Variants in MAP3K12 observed in about 807,000 individuals in gnomAD.
MAP3K12 encodes mitogen-activated protein kinase kinase kinase 12, also known as MAPK-upstream kinase.
MAP3K12 carries 14 observed loss-of-function variants against 87.5 expected under a neutral mutation model. The observed-to-expected ratio is 0.16, with a 90% CI of 0.11 to 0.25. MAP3K12 has a LOEUF of 0.25. MAP3K12 is among the 10% of genes least tolerant of loss of function. The pLI is 1.00. For missense variants in MAP3K12, 802 were observed against 1,140.4 expected (o/e 0.70, Z 4.27); for synonymous variants, 469 against 452.5 (o/e 1.04, Z -0.46).
chr12:53,497,587 C>T (rs1179034806), intron 1 of MAP3K12, among the ~76,000 whole-genome samples: 1 of 152,198 alleles, frequency 6.6e-6, no homozygotes, highest in Non-Finnish European at 1.5e-5. Context: ...CCCTATGTCC[C>T]CTGCTGGCAT....
upstream of MAP3K12, chr12:53,501,529 G>C (rs1275198840): frequency 1.3e-6 from 2 of 1,547,458 alleles, no homozygotes. Flanking sequence ...GTAGCGGCGC[G>C]GCCCCAGCAT....
rs557032907 is a variant in MAP3K12 at position 53,488,011 on chromosome 12, CCCAGGTACTT to C, written c.-37-593_-37-584del. 255 of 153,302 alleles carry C rather than the reference CCCAGGTACTT, an allele frequency of 1.7e-3. 2 individuals are homozygous for C. Among genetic ancestry groups the C allele is most frequent in the Non-Finnish European group, 3.0e-3 (208 of 68,846 alleles). 9.5% of individuals were successfully genotyped at this position (153,302 alleles called of 1,614,324 possible). A position where few individuals can be genotyped will look rare whatever the true frequency, so the allele number is the denominator to read the frequency against. The stretch of plus-strand genomic sequence containing the variant: ...ACAGGCGATGCACCCGGGCCTCCCA[CCCAGGTACTT>C]ACACACGGTACTACTGAGGCCCTCT... On this transcript the variant is annotated intron_variant, in intron 1 of 13. Coordinates refer to ENST00000547488, the MANE Select transcript of MAP3K12 (RefSeq NM_001193511.2).
intron 1 of MAP3K12, among the ~76,000 whole-genome samples, chr12:53,498,329 G>T (rs900144217): frequency 4.6e-5 from 7 of 152,154 alleles, no homozygotes; most frequent in African/African-American, 1.7e-4. Flanking sequence ...GAGCAATGGA[G>T]TCCACCTTGA....
chr12:53,491,415 T>A (rs1039624311), intron 1 of MAP3K12, among the ~76,000 whole-genome samples: 2 of 151,838 alleles, frequency 1.3e-5, no homozygotes, highest in African/African-American at 4.8e-5. Context: ...ATTAGCCCCG[T>A]TTTACAGACT....
intron 10 of MAP3K12, 58 bp downstream of exon 10, chr12:53,483,291 C>A: frequency 6.3e-7 from 1 of 1,593,040 alleles, no homozygotes; most frequent in Admixed American, 1.7e-5. Context: ...TGCTAATATA[C>A]CTGTTGCCAC....
Position 53,481,277 on chromosome 12 carries a change from G to C in MAP3K12, c.2584C>G (p.Pro862Ala). 6.5e-7 allele frequency: 1 copy of C among 1,542,150 alleles called. No individual in the cohort carries two copies. The highest frequency in any genetic ancestry group is 8.7e-7 in the Non-Finnish European group (1 of 1,143,838). Residue 862 changes from proline (P) to alanine (A), a missense_variant, in exon 14 of 14, where the codon CCT (proline) becomes GCT (alanine). Around this residue, in one of 5 missense-constraint regions of MAP3K12, gnomAD observed 490 missense variants for 496.6 expected, o/e 0.99. Transcript: ENST00000547488. ...CAGTCTGAGTCCTCAGAATTGGGAG[G>C]GCCCTGTGAGAAAGAGTAGAAATGG... ...PHQELLRERG[P>A]PNSEDSDCDS...
intron 1 of MAP3K12, among the ~76,000 whole-genome samples, chr12:53,495,812 G>C (rs1312405507): frequency 6.6e-6 from 1 of 152,130 alleles, no homozygotes; most frequent in Admixed American, 6.5e-5. Context: ...GAGAACTTGG[G>C]GGAAAACTGG....
chr12:53,481,788 G>T, intron 13 of MAP3K12, 153 bp downstream of exon 13: 4 of 887,980 alleles, frequency 4.5e-6, no homozygotes, highest in Non-Finnish European at 6.8e-6. Flanking sequence ...GATGCTCTGT[G>T]CAAGAGGCTT....
chr12:53,496,091 G>A (rs1044831739), intron 1 of MAP3K12, among the ~76,000 whole-genome samples: 2 of 152,176 alleles, frequency 1.3e-5, no homozygotes, highest in Non-Finnish European at 2.9e-5. Context: ...AGGGGGTGCA[G>A]GGAGCAGCAT....
intron 1 of MAP3K12, among the ~76,000 whole-genome samples, chr12:53,498,678 G>T (rs1225850535): frequency 1.3e-5 from 2 of 152,088 alleles, no homozygotes; most frequent in African/African-American, 4.8e-5. Context: ...GGGCCTGACT[G>T]GGGGAGATGG....
chr12:53,486,684 G>A lies in MAP3K12; in HGVS notation c.446-62C>T. Reference sequence around the variant, plus strand: ...AGAGCCACACTCAAGGCCAGGGACAGGATAGCATTGGGTTGGCTGAATTGA... The same window carrying A: ...AGAGCCACACTCAAGGCCAGGGACAAGATAGCATTGGGTTGGCTGAATTGA... On this transcript the variant is annotated intron_variant, in intron 2 of 13. Coordinates refer to ENST00000547488, the MANE Select transcript of MAP3K12 (RefSeq NM_001193511.2). The surrounding 1 kb of genome is among the most constrained non-coding windows in gnomAD (Gnocchi z 4.9). 6.7e-7 allele frequency: 1 copy of A among 1,492,896 alleles called. No homozygotes were observed. The highest frequency in any genetic ancestry group is 8.9e-7 in the Non-Finnish European group (1 of 1,125,378). The allele number at this position is 1,492,896 out of a possible 1,614,324, so 92.5% of individuals were successfully genotyped here.
At position 53,483,193 on chromosome 12, in the gene MAP3K12, G is replaced by A; in HGVS notation, c.1614-4C>T. The A allele has an allele frequency of 6.6e-7, 1 of 1,525,650 alleles. No individual in the cohort carries two copies. The highest frequency in any genetic ancestry group is 8.8e-7 in the Non-Finnish European group (1 of 1,138,926). The allele number at this position is 1,525,650 out of a possible 1,614,324, so 94.5% of individuals were successfully genotyped here. On this transcript the variant is annotated splice_region_variant and splice_polypyrimidine_tract_variant and intron_variant, in intron 10 of 13. Coordinates refer to ENST00000547488, the MANE Select transcript of MAP3K12 (RefSeq NM_001193511.2). ...CTCCGTCTTGAGGATATCTGGCCTG[G>A]AAGAAGAGGAAAAGTAAAAGGTTAA...
intron 1 of MAP3K12, among the ~76,000 whole-genome samples, chr12:53,499,173 C>T (rs1001356107): frequency 2.0e-5 from 3 of 151,952 alleles, no homozygotes; most frequent in Non-Finnish European, 2.9e-5. Context: ...CACCCCAATA[C>T]GGTCCTTTCC....
At position 53,483,017 on chromosome 12, in the gene MAP3K12, G is replaced by A. The variant is rs560592149; in HGVS notation, c.1786C>T (p.Arg596Cys). Residue 596 changes from arginine to cysteine, a missense_variant, in exon 11 of 14, where the codon CGT becomes TGT. Arg to Cys is a radical substitution (Grantham distance 180). Coordinates refer to ENST00000547488, the MANE Select transcript of MAP3K12 (RefSeq NM_001193511.2). The stretch of plus-strand genomic sequence containing the variant: ...GGTTCATGGGGTGGCACAGCTGTAC[G>A]AAGCCCAGGCAGGTCCCCACAGCTC... ...KGSCGDLPGL[R>C]TAVPPHEPGG... 161 of 1,562,558 alleles carry A rather than the reference G, an allele frequency of 1.0e-4. No homozygotes were observed. Among genetic ancestry groups the A allele is most frequent in the Middle Eastern group, 3.5e-4 (2 of 5,768 alleles).
upstream of MAP3K12, chr12:53,501,068 G>T (rs796823055): frequency 8.9e-6 from 3 of 337,860 alleles, no homozygotes; most frequent in Non-Finnish European, 1.7e-5. Flanking sequence ...ACAGCTTCAC[G>T]GACCGGGAGA....
rs1942981482 is a variant in MAP3K12, at chr12:53,480,544, GAC to G, written c.*636_*637del. 6.6e-6 allele frequency: 1 copy of G among 152,584 alleles called. No homozygotes were observed. 9.5% of individuals were successfully genotyped at this position (152,584 alleles called of 1,614,324 possible). ...AGGTTTTTCACAGGGGTTACAGTAG[GAC>G]AGTCCCCACCCCAATCAGGCACCAG... On this transcript the variant is annotated 3_prime_UTR_variant, in exon 14 of 14. Transcript: ENST00000547488.
chr12:53,490,616 C>T (rs1474147299), intron 1 of MAP3K12, among the ~76,000 whole-genome samples: 4 of 151,600 alleles, frequency 2.6e-5, no homozygotes, highest in Admixed American at 6.6e-5. Context: ...TGGTGGCAGG[C>T]GCCTGTAGTC....
chr12:53,487,600 A>G, intron 1 of MAP3K12, 172 bp from the exon 2 acceptor site: 1 of 601,620 alleles, frequency 1.7e-6, no homozygotes, highest in East Asian at 2.8e-5. Context: ...GAGCCATCTT[A>G]GGAAATCTGA....
At chr12:53,493,984 A>C (rs1012982562) in intron 1 of MAP3K12, 1 of 152,392 alleles carries the variant, frequency 6.6e-6, no homozygotes, top group Non-Finnish European at 1.5e-5. Flanking sequence ...TTCCACATTG[A>C]CCTGGAGTGA....
Sources: gnomAD v4.1 joint callset for allele counts (sites outside exome capture counted in the v4.1 genomes callset) on GRCh38, gnomAD v4.1.1 for gene constraint, gnomAD v4.1.1 regional missense constraint, Gnocchi (gnomAD v3.1) non-coding constraint, MANE v1.5 for transcripts, NCBI Gene and HGNC (gene_info 2026-07-23, HGNC 2026-07-21) for gene names.